FAM107B: variants seen among roughly 807,000 people sequenced by gnomAD.
FAM107B encodes family with sequence similarity 107 member B, also known as protein FAM107B.
A neutral mutation model predicts 31.5 loss-of-function variants in FAM107B; 21 were observed. The observed-to-expected ratio is 0.67, with a 90% CI of 0.47 to 0.96. The LOEUF (loss-of-function observed/expected upper bound fraction) is 0.96, where lower values mean the gene tolerates loss of function less well. Among genes scored for constraint, FAM107B ranks in the 40% least tolerant of loss-of-function variants. The pLI, the probability that FAM107B is intolerant of heterozygous loss-of-function variation, is 0.00. For missense variants in FAM107B, 452 were observed against 377.1 expected, an observed-to-expected ratio of 1.20 and a Z score of -1.64; for synonymous variants, 157 against 141.5, an observed-to-expected ratio of 1.11 and a Z score of -0.78.
chr10:14,646,781 A>G (rs907277941), intron 2 of FAM107B, among the ~76,000 whole-genome samples: 11 of 107,362 alleles, frequency 1.0e-4, no homozygotes, highest in African/African-American at 4.0e-4. Context: ...TTTACCTTCC[A>G]TTTTCTCCTT....
At chr10:14,695,731 T>G (rs925425923) in intron 1 of FAM107B, among the ~76,000 whole-genome samples, 18 of 152,372 alleles carry the variant, frequency 1.2e-4, no homozygotes, top group African/African-American at 4.1e-4. Flanking sequence ...CTAAGTACTT[T>G]CTTGATGTTA....
intron 2 of FAM107B, among the ~76,000 whole-genome samples, chr10:14,618,171 T>C (rs1852901630): frequency 6.6e-6 from 1 of 152,198 alleles, no homozygotes; most frequent in Non-Finnish European, 1.5e-5. Flanking sequence ...CAGTTCAGTC[T>C]CCTTCAGGGC....
intron 2 of FAM107B, among the ~76,000 whole-genome samples, chr10:14,599,148 T>G (rs1392931122): frequency 1.3e-5 from 2 of 152,294 alleles, no homozygotes; most frequent in East Asian, 3.9e-4. Context: ...AGAGCCAGTC[T>G]GCAACCTGCA....
intron 1 of FAM107B, among the ~76,000 whole-genome samples, chr10:14,746,273 T>C (rs1024292659): frequency 2.0e-5 from 3 of 152,216 alleles, no homozygotes; most frequent in Non-Finnish European, 4.4e-5. Flanking sequence ...TGTCTTTTAA[T>C]TGGGGCATTT....
intron 1 of FAM107B, among the ~76,000 whole-genome samples, chr10:14,701,200 C>T (rs1855390895): frequency 6.6e-6 from 1 of 151,870 alleles, no homozygotes; most frequent in Admixed American, 6.6e-5. Flanking sequence ...AAGCTTAATG[C>T]CAGGCAGAAA....
At chr10:14,725,557 C>A (rs552820398) in intron 1 of FAM107B, among the ~76,000 whole-genome samples, 19 of 152,148 alleles carry the variant, frequency 1.2e-4, no homozygotes, top group African/African-American at 4.6e-4. Flanking sequence ...TCCTGGTTTG[C>A]ACATGGCTGT....
At position 14,569,586 on chromosome 10, in the gene FAM107B, T is replaced by C. The variant is rs1851016976; in HGVS notation, c.470-39071A>G. Among the ~76,000 whole-genome samples, 2 of 152,126 alleles carry C rather than the reference T, an allele frequency of 1.3e-5. 1 individual carries two copies. The highest frequency in any genetic ancestry group is 4.2e-4 in the South Asian group (2 of 4,814). On this transcript the variant is annotated intron_variant, in intron 2 of 4. Coordinates refer to ENST00000181796, the MANE Select transcript of FAM107B (RefSeq NM_031453.4). ...CTCAAGAACAACACAGGTACTTCTG[T>C]TCAGTGTAACCTTCCTCTCAAGTTT... is the stretch of plus-strand genomic sequence containing the variant.
intron 1 of FAM107B, among the ~76,000 whole-genome samples, chr10:14,693,204 G>A (rs575071038): frequency 2.6e-5 from 4 of 152,108 alleles, no homozygotes; most frequent in East Asian, 1.9e-4. Flanking sequence ...GGCCGGGCGC[G>A]GTGGCTCACG....
At chr10:14,595,916 G>A (rs1158833581) in intron 2 of FAM107B, among the ~76,000 whole-genome samples, 2 of 152,116 alleles carry the variant, frequency 1.3e-5, no homozygotes, top group African/African-American at 2.4e-5. Flanking sequence ...TGCAGTCCCC[G>A]TGGCCCTCCA....
At chr10:14,678,632 C>T (rs1248866798) in intron 1 of FAM107B, among the ~76,000 whole-genome samples, 1 of 151,836 alleles carries the variant, frequency 6.6e-6, no homozygotes, top group Non-Finnish European at 1.5e-5. Flanking sequence ...TCTCCTCTCT[C>T]TGTTTGTCTC....
chr10:14,737,795 T>TCC (rs1018185972), intron 1 of FAM107B, among the ~76,000 whole-genome samples: 4 of 151,454 alleles, frequency 2.6e-5, no homozygotes, highest in Non-Finnish European at 5.9e-5. Flanking sequence ...TCTCTCTCTC[T>TCC]CTCTCCTTCG....
At chr10:14,603,997 TC>T (rs1331325607) in intron 2 of FAM107B, among the ~76,000 whole-genome samples, 1 of 146,248 alleles carries the variant, frequency 6.8e-6, no homozygotes, top group Non-Finnish European at 1.5e-5. Flanking sequence ...GGCCCCCGCC[TC>T]CGCGGCGCCC....
chr10:14,628,991 A>G (rs1259366864), intron 2 of FAM107B, among the ~76,000 whole-genome samples: 7 of 151,586 alleles, frequency 4.6e-5, no homozygotes, highest in Non-Finnish European at 1.0e-4. Context: ...TAAAATTTAC[A>G]TAAATGCTTA....
intron 2 of FAM107B, among the ~76,000 whole-genome samples, chr10:14,629,671 C>T (rs1336161243): frequency 6.7e-6 from 1 of 149,514 alleles, no homozygotes; most frequent in Non-Finnish European, 1.5e-5. Context: ...CACCACCACG[C>T]CCGGCTAATT....
intron 2 of FAM107B, among the ~76,000 whole-genome samples, chr10:14,616,728 G>C (rs1852861849): frequency 6.6e-6 from 1 of 152,170 alleles, no homozygotes; most frequent in South Asian, 2.1e-4. Flanking sequence ...TTGGAGACCA[G>C]CCTGGGCAAC....
chr10:14,642,493 G>T (rs1564611739), intron 2 of FAM107B, among the ~76,000 whole-genome samples: 2 of 152,284 alleles, frequency 1.3e-5, no homozygotes, highest in Non-Finnish European at 2.9e-5. Flanking sequence ...TGAAATCCAA[G>T]AATTCCAATA....
At chr10:14,596,883 C>T (rs372673952) in intron 2 of FAM107B, among the ~76,000 whole-genome samples, 2 of 152,230 alleles carry the variant, frequency 1.3e-5, no homozygotes. Context: ...TCTATCTCAC[C>T]CTAAGACAAC....
chr10:14,624,120 G>T (rs2131406434), intron 2 of FAM107B, among the ~76,000 whole-genome samples: 1 of 152,272 alleles, frequency 6.6e-6, no homozygotes, highest in East Asian at 1.9e-4. Flanking sequence ...GGTGAGGGAA[G>T]CTGGTGCCCA....
chr10:14,674,629 A>G (rs1006363285), intron 1 of FAM107B, among the ~76,000 whole-genome samples: 8 of 152,288 alleles, frequency 5.3e-5, no homozygotes, highest in African/African-American at 1.9e-4. Flanking sequence ...ACAGGTTAAT[A>G]ATTGTCTCGT....
Sources: gnomAD v4.1 joint callset for allele counts (sites outside exome capture counted in the v4.1 genomes callset) on GRCh38, gnomAD v4.1.1 for gene constraint, MANE v1.5 for transcripts, NCBI Gene and HGNC (gene_info 2026-07-23, HGNC 2026-07-21) for gene names.